DAP: variants seen among roughly 807,000 people sequenced by gnomAD.
DAP encodes death associated protein.
DAP carries 8 observed loss-of-function variants against 13.8 expected under a neutral mutation model. The ratio of observed to expected loss-of-function variants is 0.58; its 90% CI spans 0.34 to 1.05. DAP has a LOEUF of 1.05. DAP is among the 50% of genes least tolerant of loss of function. The pLI is 0.03. For synonymous variants in DAP, 47 were observed against 47.5 expected (o/e 0.99, Z 0.04); for missense variants, 106 against 133.2 (o/e 0.80, Z 1.01).
chr5:10,746,686 T>C (rs917546829), intron 2 of DAP, among the ~76,000 whole-genome samples: 1 of 152,182 alleles, frequency 6.6e-6, no homozygotes, highest in African/African-American at 2.4e-5. Flanking sequence ...GACTGAATCT[T>C]TACACTGCTA....
At chr5:10,692,756 A>G (rs981846642) in intron 2 of DAP, among the ~76,000 whole-genome samples, 2 of 152,202 alleles carry the variant, frequency 1.3e-5, no homozygotes, top group Admixed American at 1.3e-4. Flanking sequence ...TGGGCTACAG[A>G]GAGCAGGTCA....
rs898735001 is a variant in DAP, at chr5:10,755,172, T to C, written c.55+5842A>G. On this transcript the variant is annotated intron_variant, in intron 1 of 3. Coordinates refer to ENST00000230895, the MANE Select transcript of DAP (RefSeq NM_004394.3). ...GGGCTCTGAGTGTGTGATGTGAGGA[T>C]GTGACTGGTCATTGCTGCCTTTGAA... Among the ~76,000 whole-genome samples, 4 of 152,140 alleles carry C rather than the reference T, an allele frequency of 2.6e-5. No homozygotes were observed. In the East Asian group the frequency reaches 7.7e-4, roughly 29 times the overall value.
chr5:10,753,251 G>C (rs1043217281), intron 1 of DAP, among the ~76,000 whole-genome samples: 2 of 152,234 alleles, frequency 1.3e-5, no homozygotes, highest in East Asian at 1.9e-4. Context: ...AGAAGGGGAA[G>C]CCAGCGGCCC....
chr5:10,680,695 A>T lies in DAP; in HGVS notation c.*361T>A. On this transcript the variant is annotated 3_prime_UTR_variant, in exon 4 of 4. Transcript: ENST00000230895. ...ATGACTGAGGTTTTCTCCTAACCTT[A>T]ATCTCATCTTCTCAAATGTGTGCCT... 1 of 1,515,646 alleles carries T rather than the reference A, an allele frequency of 6.6e-7. No homozygotes were observed. The highest frequency in any genetic ancestry group is 8.9e-7 in the Non-Finnish European group (1 of 1,129,796). The allele number at this position is 1,515,646 out of a possible 1,614,324, so 93.9% of individuals were successfully genotyped here.
At chr5:10,682,614 A>T (rs1489397590) in intron 3 of DAP, among the ~76,000 whole-genome samples, 1 of 152,264 alleles carries the variant, frequency 6.6e-6, no homozygotes, top group Non-Finnish European at 1.5e-5. Context: ...CCTGCAGGGC[A>T]GGCGTGGACT....
chr5:10,722,603 T>C lies in DAP; in HGVS notation c.152+25572A>G, dbSNP rs185212401. Among the ~76,000 whole-genome samples the C allele has an allele frequency of 4.8e-3, 715 of 149,044 alleles. 9 individuals carry two copies. Among genetic ancestry groups the C allele is most frequent in the African/African-American group, 0.017 (685 of 40,792 alleles). On this transcript the variant is annotated intron_variant, in intron 2 of 3. Coordinates refer to ENST00000230895, the MANE Select transcript of DAP (RefSeq NM_004394.3). Reference sequence around the variant, plus strand: ...ATATATATACATATATACATATATATACATATATACACATATATACACACA... The same window carrying C: ...ATATATATACATATATACATATATACACATATATACACATATATACACACA...
intron 1 of DAP, among the ~76,000 whole-genome samples, chr5:10,758,344 TTGAGGGGTGCTGTTGGCATC>T (rs1410960810): frequency 4.6e-5 from 7 of 151,118 alleles, no homozygotes; most frequent in East Asian, 3.9e-4. Flanking sequence ...GAAAGCGCAT[TTGAGGGGTGCTGTTGGCATC>T]TGAGGGGTGC....
intron 2 of DAP, among the ~76,000 whole-genome samples, chr5:10,706,185 A>G (rs78827215): frequency 0.015 from 2,219 of 152,330 alleles, 26 homozygotes; most frequent in Middle Eastern, 0.044. Context: ...TTTTAGTTCT[A>G]GGTGCTTGAC....
chr5:10,745,809 A>T (rs545415797), intron 2 of DAP, among the ~76,000 whole-genome samples: 1 of 152,154 alleles, frequency 6.6e-6, no homozygotes, highest in Non-Finnish European at 1.5e-5. Context: ...AGGCAAGGCG[A>T]TATCTCTTGC....
At chr5:10,681,456 G>T (rs183394751) in intron 3 of DAP, among the ~76,000 whole-genome samples, 7 of 151,372 alleles carry the variant, frequency 4.6e-5, no homozygotes, top group African/African-American at 1.5e-4. Context: ...CATGGCGGTT[G>T]TATGTGAGGA....
chr5:10,722,592 A>G (rs1207245014), intron 2 of DAP, among the ~76,000 whole-genome samples: 1 of 147,648 alleles, frequency 6.8e-6, no homozygotes, highest in Non-Finnish European at 1.5e-5. Flanking sequence ...ATATACATAT[A>G]TACATATATA....
intron 2 of DAP, among the ~76,000 whole-genome samples, chr5:10,699,249 T>C (rs1298200732): frequency 2.6e-5 from 4 of 152,218 alleles, no homozygotes. Flanking sequence ...CAAGCATGCC[T>C]GAAAATAAGG....
chr5:10,721,211 T>A (rs1209385565), intron 2 of DAP, among the ~76,000 whole-genome samples: 1 of 152,142 alleles, frequency 6.6e-6, no homozygotes, highest in Non-Finnish European at 1.5e-5. Flanking sequence ...ACAGCCAGGA[T>A]TCACGGGTCC....
At chr5:10,748,662 G>A (rs950467650) in intron 1 of DAP, among the ~76,000 whole-genome samples, 3 of 152,062 alleles carry the variant, frequency 2.0e-5, no homozygotes, top group African/African-American at 4.8e-5. Flanking sequence ...CTCAAATATC[G>A]AAGATGTTTT....
chr5:10,734,466 G>A (rs1487467943), intron 2 of DAP, among the ~76,000 whole-genome samples: 2 of 152,138 alleles, frequency 1.3e-5, no homozygotes, highest in Non-Finnish European at 2.9e-5. Flanking sequence ...CCAGGATCTC[G>A]GACATATGGG....
intron 2 of DAP, among the ~76,000 whole-genome samples, chr5:10,694,290 G>T (rs563435141): frequency 6.6e-6 from 1 of 152,202 alleles, no homozygotes; most frequent in South Asian, 2.1e-4. Context: ...GGACAAGCTG[G>T]TGAGCTGGTG....
Position 10,743,457 on chromosome 5 carries a change from C to T in DAP, c.152+4718G>A, listed in dbSNP as rs374085278. On this transcript the variant is annotated intron_variant, in intron 2 of 3. Transcript: ENST00000230895. Reference sequence around the variant, plus strand: ...CAGGGAAGAATTGTTCCTTATTCCCCATTTCTGTTTCTTCCTTCTTTCCAC... The same window carrying T: ...CAGGGAAGAATTGTTCCTTATTCCCTATTTCTGTTTCTTCCTTCTTTCCAC... 7.5e-4 allele frequency among the ~76,000 whole-genome samples: 114 copies of T among 152,262 alleles called. No individual in the cohort carries two copies. The Middle Eastern group carries it at 0.01, about 14-fold the overall frequency.
chr5:10,732,404 A>C (rs1739488527), intron 2 of DAP, among the ~76,000 whole-genome samples: 1 of 152,010 alleles, frequency 6.6e-6, no homozygotes, highest in South Asian at 2.1e-4. Context: ...GTGTCTATGC[A>C]TTTGCTTATT....
chr5:10,759,895 C>T (rs1420176759), intron 1 of DAP, among the ~76,000 whole-genome samples: 1 of 151,958 alleles, frequency 6.6e-6, no homozygotes, highest in East Asian at 1.9e-4. Flanking sequence ...GCTGGGATTA[C>T]AGGCGCCCGC....
Sources: allele counts gnomAD v4.1 joint callset (sites outside exome capture counted in the v4.1 genomes callset), GRCh38; gene constraint gnomAD v4.1.1; transcripts MANE v1.5; gene names NCBI Gene and HGNC (gene_info 2026-07-23, HGNC 2026-07-21).